Variants in CPM observed in about 807,000 individuals in gnomAD.
CPM encodes the protein carboxypeptidase M, also known as renal carboxypeptidase.
In CPM, 35 loss-of-function variants were observed where a neutral mutation model predicts 46.4. That is an observed-to-expected ratio of 0.75 (90% CI 0.58 to 1.00). CPM has a LOEUF of 1.00. Among genes scored for constraint, CPM ranks in the 50% least tolerant of loss-of-function variants. The pLI, the probability that CPM is intolerant of heterozygous loss-of-function variation, is 0.00. For missense variants in CPM, 422 were observed against 530.4 expected, an observed-to-expected ratio of 0.80 and a Z score of 2.01; for synonymous variants, 195 against 195.3, an observed-to-expected ratio of 1.00 and a Z score of 0.01.
At chr12:68,901,457 A>G (rs1321152159) in intron 2 of CPM, among the ~76,000 whole-genome samples, 1 of 152,256 alleles carries the variant, frequency 6.6e-6, no homozygotes, top group African/African-American at 2.4e-5. Context: ...CATATTAGAA[A>G]GGGGTTAAGA....
rs1354338892 is a variant in CPM, at chr12:68,870,259, C to A, written c.572G>T (p.Gly191Val). 3.1e-6 allele frequency: 5 copies of A among 1,614,168 alleles called. No individual in the cohort carries two copies. In the Admixed American group the frequency reaches 6.7e-5, roughly 22 times the overall value. The change falls in exon 5 of 9, where the codon GGT (glycine) becomes GTT (valine). Residue 191 changes from glycine to valine, a missense_variant. Physicochemically the swap from Gly to Val is moderately radical, Grantham distance 109. Coordinates refer to ENST00000551568, the MANE Select transcript of CPM (RefSeq NM_198320.5). ...TGGGTAACTGGCCACGAGGGCACCA[C>A]CATGGAGGTTTGCAGAGAGGACAAA... is the stretch of plus-strand genomic sequence containing the variant. ...ETFVLSANLH[G>V]GALVASYPFD...
At chr12:68,916,938 G>A (rs1474509300) in intron 2 of CPM, among the ~76,000 whole-genome samples, 2 of 149,602 alleles carry the variant, frequency 1.3e-5, no homozygotes, top group Non-Finnish European at 3.0e-5. Context: ...CTGTTGCAAT[G>A]CAAAACTAAC....
At chr12:68,861,539 TG>T (rs1334557320) in intron 7 of CPM, among the ~76,000 whole-genome samples, 2 of 140,688 alleles carry the variant, frequency 1.4e-5, no homozygotes, top group African/African-American at 5.5e-5. Flanking sequence ...CACAATTTTT[TG>T]TTTTTTTTTT....
chr12:68,880,745 G>C (rs924090742), intron 3 of CPM, among the ~76,000 whole-genome samples: 2 of 152,156 alleles, frequency 1.3e-5, no homozygotes, highest in African/African-American at 4.8e-5. Flanking sequence ...TTCTGCAGAG[G>C]TGATCCAAAG....
intron 2 of CPM, 124 bp downstream of exon 2, chr12:68,932,554 T>G (rs1265851820): frequency 4.4e-6 from 5 of 1,126,394 alleles, no homozygotes; most frequent in Non-Finnish European, 6.4e-6. Flanking sequence ...ACGGTACCGG[T>G]TGACTTGTTC....
chr12:68,944,465 A>G (rs1306801420), intron 1 of CPM, among the ~76,000 whole-genome samples: 2 of 152,176 alleles, frequency 1.3e-5, no homozygotes, highest in Admixed American at 6.5e-5. Context: ...GTGCAGTGGT[A>G]TAATCATAGC....
downstream of CPM, chr12:68,850,806 G>A (rs960899849): frequency 2.0e-5 from 3 of 152,106 alleles, no homozygotes; most frequent in African/African-American, 7.2e-5. Flanking sequence ...GCATGTTTGG[G>A]AAATCCATTT....
At chr12:68,931,763 A>AAAAAGAAAG (rs1482981614) in intron 2 of CPM, among the ~76,000 whole-genome samples, 157 of 132,522 alleles carry the variant, frequency 1.2e-3, no homozygotes, top group African/African-American at 4.4e-3. Context: ...AAAAAAAAAA[A>AAAAAGAAAG]AAAGAAAGAA....
At chr12:68,912,873 T>G (rs112120038) in intron 2 of CPM, among the ~76,000 whole-genome samples, 3,159 of 152,294 alleles carry the variant, frequency 0.021, 125 homozygotes, top group African/African-American at 0.072. Context: ...AAAGCTTATT[T>G]TGTTTTCCTC....
chr12:68,956,563 C>T (rs1331011119), intron 1 of CPM, among the ~76,000 whole-genome samples: 1 of 152,242 alleles, frequency 6.6e-6, no homozygotes, highest in Non-Finnish European at 1.5e-5. Context: ...AAAACCTGGA[C>T]TCCTTGCACA....
rs1884739544 is a variant in CPM, at chr12:68,852,388, T to TATCA, written c.*4045_*4048dup. 6.6e-6 allele frequency: 1 copy of TATCA among 152,208 alleles called. No individual in the cohort carries two copies. The highest frequency in any genetic ancestry group is 1.5e-5 in the Non-Finnish European group (1 of 68,044). The allele number at this position is 152,208 out of a possible 1,614,324, so 9.4% of individuals were successfully genotyped here. ...AAATACTTATTACCTGAGTGTTAAC[T>TATCA]ATCATCTTTCCTCCACCTGAACAAG... On this transcript the variant is annotated 3_prime_UTR_variant, in exon 9 of 9. Coordinates refer to ENST00000551568, the MANE Select transcript of CPM (RefSeq NM_198320.5).
intron 2 of CPM, among the ~76,000 whole-genome samples, chr12:68,922,899 A>C (rs763029929): frequency 6.6e-6 from 1 of 152,120 alleles, no homozygotes; most frequent in Non-Finnish European, 1.5e-5. Flanking sequence ...ATCACTAGAC[A>C]GAAGTGTTTT....
At chr12:68,869,266 C>A in intron 6 of CPM, 59 bp downstream of exon 6, 1 of 1,535,174 alleles carries the variant, frequency 6.5e-7, no homozygotes, top group Non-Finnish European at 8.9e-7. Flanking sequence ...CAAAATAAAC[C>A]AGCTGGCACT....
At chr12:68,850,700 A>G (rs1436808501), downstream of CPM, 2 of 152,228 alleles carry the variant, frequency 1.3e-5, no homozygotes, top group Non-Finnish European at 2.9e-5. Context: ...TTCTCTATAT[A>G]TCAGTATTTC....
At position 68,858,849 on chromosome 12, in the gene CPM, G is replaced by A. The variant is rs193042719; in HGVS notation, c.1089+74C>T. The A allele has an allele frequency of 2.5e-3, 2,353 of 948,856 alleles. 7 individuals carry two copies. The highest frequency in any genetic ancestry group is 9.7e-3 in the South Asian group (226 of 23,384). The allele number at this position is 948,856 out of a possible 1,614,324, so 58.8% of individuals were successfully genotyped here. ...CTTTTGAACTTCCTAGACTTATTTT[G>A]GATTCCTTCTGGGTGAATAAGTATT... On this transcript the variant is annotated intron_variant, in intron 8 of 8. Coordinates refer to ENST00000551568, the MANE Select transcript of CPM (RefSeq NM_198320.5).
chr12:68,923,646 TA>T (rs1281101140), intron 2 of CPM, among the ~76,000 whole-genome samples: 1 of 152,028 alleles, frequency 6.6e-6, no homozygotes, highest in African/African-American at 2.4e-5. Flanking sequence ...AAAGCAGAAA[TA>T]AAAAAAGAAT....
intron 3 of CPM, among the ~76,000 whole-genome samples, chr12:68,884,148 T>TAGA (rs1886330379): frequency 6.8e-6 from 1 of 147,966 alleles, no homozygotes; most frequent in Non-Finnish European, 1.5e-5. Context: ...CTGAGGGACC[T>TAGA]TGATCAAGGG....
At chr12:68,911,240 T>C (rs780544319) in intron 2 of CPM, among the ~76,000 whole-genome samples, 1 of 152,148 alleles carries the variant, frequency 6.6e-6, no homozygotes, top group Non-Finnish European at 1.5e-5. Context: ...CCTCTGGCAA[T>C]TCATTTAATC....
rs368227409 is a variant in CPM at position 68,873,682 on chromosome 12, AAAAG to A, written c.259-1730_259-1727del. Reference sequence around the variant, plus strand: ...GACCCTGTCTCAAAAAAAAAAAAAAAAAAGAAAGAAAGAAAATTTGGGATATATG... The same window carrying A: ...GACCCTGTCTCAAAAAAAAAAAAAAAAAAGAAAGAAAATTTGGGATATATG... On this transcript the variant is annotated intron_variant, in intron 3 of 8. Coordinates refer to ENST00000551568, the MANE Select transcript of CPM (RefSeq NM_198320.5). 3.9e-3 allele frequency among the ~76,000 whole-genome samples: 590 copies of A among 151,730 alleles called. 4 individuals carry two copies. Among genetic ancestry groups the A allele is most frequent in the East Asian group, 0.037 (190 of 5,116 alleles).
Sources: gnomAD v4.1 joint callset for allele counts (sites outside exome capture counted in the v4.1 genomes callset) on GRCh38, gnomAD v4.1.1 for gene constraint, MANE v1.5 for transcripts, NCBI Gene and HGNC (gene_info 2026-07-23, HGNC 2026-07-21) for gene names.